C1QTNF7: variants seen among roughly 807,000 people sequenced by gnomAD.
The protein encoded by C1QTNF7 is C1q and TNF related 7.
C1QTNF7 carries 15 observed loss-of-function variants against 19.6 expected under a neutral mutation model. The observed-to-expected ratio is 0.76, with a 90% CI of 0.51 to 1.18. C1QTNF7 has a LOEUF of 1.18. Among genes scored for constraint, C1QTNF7 ranks in the 50% most tolerant of loss-of-function variants. C1QTNF7 has a pLI of 0.00. For synonymous variants in C1QTNF7, 142 were observed against 137.5 expected, an observed-to-expected ratio of 1.03 and a Z score of -0.23; for missense variants, 324 against 359.7, an observed-to-expected ratio of 0.90 and a Z score of 0.80.
At chr4:15,397,192 G>A (rs1718818418) in intron 1 of C1QTNF7, among the ~76,000 whole-genome samples, 1 of 152,180 alleles carries the variant, frequency 6.6e-6, no homozygotes, top group South Asian at 2.1e-4. Context: ...TGGGAATTAT[G>A]GGAGTACAAT....
chr4:15,437,023 A>C (rs1054831391), intron 2 of C1QTNF7, among the ~76,000 whole-genome samples: 1 of 152,244 alleles, frequency 6.6e-6, no homozygotes, highest in African/African-American at 2.4e-5. Context: ...CTTTAGGGAA[A>C]GCTTCAACAT....
intron 1 of C1QTNF7, among the ~76,000 whole-genome samples, chr4:15,386,481 A>C (rs1420900962): frequency 6.6e-6 from 1 of 151,630 alleles, no homozygotes; most frequent in Non-Finnish European, 1.5e-5. Flanking sequence ...CTTATATTTT[A>C]TGGGGAAGAC....
intron 2 of C1QTNF7, among the ~76,000 whole-genome samples, chr4:15,440,468 C>T (rs913737702): frequency 6.7e-6 from 1 of 149,124 alleles, no homozygotes; most frequent in South Asian, 2.1e-4. Context: ...TGTGCAGTGG[C>T]GCAATCTCGG....
At chr4:15,354,410 G>A (rs1179654778) in intron 1 of C1QTNF7, among the ~76,000 whole-genome samples, 2 of 152,118 alleles carry the variant, frequency 1.3e-5, no homozygotes, top group Admixed American at 6.6e-5. Context: ...TTAGGAAGAC[G>A]AAGCTGACCA....
intron 1 of C1QTNF7, among the ~76,000 whole-genome samples, chr4:15,345,376 G>T (rs1188334712): frequency 6.6e-6 from 1 of 152,182 alleles, no homozygotes; most frequent in South Asian, 2.1e-4. Context: ...GGACCAGGCA[G>T]CCCTCCCTTC....
At chr4:15,361,875 C>G (rs1321406181) in intron 1 of C1QTNF7, among the ~76,000 whole-genome samples, 1 of 152,128 alleles carries the variant, frequency 6.6e-6, no homozygotes, top group Non-Finnish European at 1.5e-5. Flanking sequence ...CAGCCTTCTT[C>G]CACCAAGAAA....
intron 1 of C1QTNF7, among the ~76,000 whole-genome samples, chr4:15,375,803 C>T (rs1046613447): frequency 6.6e-6 from 1 of 152,216 alleles, no homozygotes; most frequent in African/African-American, 2.4e-5. Context: ...CACTGGAAAG[C>T]TCCTCCAAAA....
At chr4:15,378,556 TA>T (rs1438913902) in intron 1 of C1QTNF7, among the ~76,000 whole-genome samples, 2 of 152,174 alleles carry the variant, frequency 1.3e-5, no homozygotes, top group Non-Finnish European at 2.9e-5. Flanking sequence ...GAATGAAGAT[TA>T]ATTAACAATT....
At chr4:15,361,091 A>C (rs1717327599) in intron 1 of C1QTNF7, 1 of 152,180 alleles carries the variant, frequency 6.6e-6, no homozygotes, top group Non-Finnish European at 1.5e-5. Context: ...GATTAAAGTT[A>C]AAACAACTTT....
intron 1 of C1QTNF7, among the ~76,000 whole-genome samples, chr4:15,368,588 G>A (rs1717612696): frequency 6.6e-6 from 1 of 152,150 alleles, no homozygotes; most frequent in Non-Finnish European, 1.5e-5. Context: ...ATGGTTTCCA[G>A]CTTCATCCAT....
chr4:15,386,509 A>G (rs1227661534), intron 1 of C1QTNF7, among the ~76,000 whole-genome samples: 5 of 108,950 alleles, frequency 4.6e-5, no homozygotes, highest in African/African-American at 2.2e-4. Flanking sequence ...AAAAAAAGAA[A>G]TACATAAAAC....
chr4:15,371,074 C>T (rs1440176851), intron 1 of C1QTNF7, among the ~76,000 whole-genome samples: 1 of 152,208 alleles, frequency 6.6e-6, no homozygotes, highest in Non-Finnish European at 1.5e-5. Flanking sequence ...GTCCCGTCAG[C>T]TCTTTCTAGG....
rs1712951965 is a variant in C1QTNF7, at chr4:15,445,328, A to G, written c.*2529A>G. On this transcript the variant is annotated 3_prime_UTR_variant, in exon 3 of 3. Transcript: ENST00000444304. The stretch of plus-strand genomic sequence containing the variant: ...ATATGGGCCCTTTAAAGACTACAAG[A>G]TTTGCTAGATAAACTGGAAATGGAG... 1 of 152,218 alleles carries G rather than the reference A, an allele frequency of 6.6e-6. No homozygotes were observed. The highest frequency in any genetic ancestry group is 2.4e-5 in the African/African-American group (1 of 41,454). 9.4% of individuals were successfully genotyped at this position (152,218 alleles called of 1,614,324 possible). A position where few individuals can be genotyped will look rare whatever the true frequency, so the allele number is the denominator to read the frequency against.
chr4:15,410,003 A>G (rs1212844199), intron 1 of C1QTNF7, among the ~76,000 whole-genome samples: 1 of 152,208 alleles, frequency 6.6e-6, no homozygotes, highest in Non-Finnish European at 1.5e-5. Context: ...AAACCAAGTC[A>G]GTTGACTTAA....
intron 1 of C1QTNF7, among the ~76,000 whole-genome samples, chr4:15,414,126 G>T (rs1329389542): frequency 6.6e-6 from 1 of 152,106 alleles, no homozygotes; most frequent in Non-Finnish European, 1.5e-5. Context: ...CTTCTTCAGG[G>T]CAGATAAATA....
At chr4:15,345,899 C>T (rs189435219) in intron 1 of C1QTNF7, among the ~76,000 whole-genome samples, 8 of 152,286 alleles carry the variant, frequency 5.3e-5, no homozygotes, top group East Asian at 1.9e-4. Flanking sequence ...GCTCACCTAA[C>T]GTCCCATATA....
At chr4:15,349,823 T>G (rs1289317596) in intron 1 of C1QTNF7, among the ~76,000 whole-genome samples, 1 of 152,182 alleles carries the variant, frequency 6.6e-6, no homozygotes, top group Non-Finnish European at 1.5e-5. Context: ...CAGAGTTCAC[T>G]CAAATCCTAT....
At chr4:15,386,800 G>A (rs971715361) in intron 1 of C1QTNF7, among the ~76,000 whole-genome samples, 1 of 152,170 alleles carries the variant, frequency 6.6e-6, no homozygotes, top group Non-Finnish European at 1.5e-5. Flanking sequence ...TTGAGGAGTG[G>A]CACAGAGATA....
intron 1 of C1QTNF7, among the ~76,000 whole-genome samples, chr4:15,385,442 G>A (rs992742288): frequency 6.6e-6 from 1 of 152,234 alleles, no homozygotes; most frequent in Non-Finnish European, 1.5e-5. Context: ...ATTCTCAGCT[G>A]AGGAGTGACA....
Sources: gnomAD v4.1 joint callset for allele counts (sites outside exome capture counted in the v4.1 genomes callset) on GRCh38, gnomAD v4.1.1 for gene constraint, MANE v1.5 for transcripts, NCBI Gene and HGNC (gene_info 2026-07-23, HGNC 2026-07-21) for gene names.